The following STIM1 variants were observed in gnomAD, a reference collection of about 807,000 sequenced individuals.
STIM1 encodes stromal interaction molecule 1.
In STIM1, 25 loss-of-function variants were observed where a neutral mutation model predicts 74.7. That is an observed-to-expected ratio of 0.33 (90% confidence interval 0.24 to 0.47). The LOEUF is 0.47. Among genes scored for constraint, STIM1 ranks in the 20% least tolerant of loss-of-function variants. The pLI, the probability that STIM1 is intolerant of heterozygous loss-of-function variation, is 1.00. For missense variants in STIM1, 728 were observed against 920.8 expected, an observed-to-expected ratio of 0.79 and a Z score of 2.71; for synonymous variants, 328 against 348.8, an observed-to-expected ratio of 0.94 and a Z score of 0.66.
chr11:4,052,988 C>T lies in STIM1; in HGVS notation c.386-2538C>T, dbSNP rs547017976. On this transcript the variant is annotated intron_variant, in intron 3 of 12. Transcript: ENST00000526596. ...AACAGACACATGGAAAAATGCTCAT[C>T]GTCACTGGCCATCAGAGAAATGCAA... Among the ~76,000 whole-genome samples the T allele has an allele frequency of 9.2e-5, 14 of 152,346 alleles. No homozygotes were observed. The East Asian group carries it at 1.2e-3, about 13-fold the overall frequency.
intron 1 of STIM1, among the ~76,000 whole-genome samples, chr11:3,862,149 A>G (rs2090637921): frequency 6.6e-6 from 1 of 152,206 alleles, no homozygotes; most frequent in Non-Finnish European, 1.5e-5. Context: ...ACAAAGTATA[A>G]ATAATAATAA....
intron 1 of STIM1, among the ~76,000 whole-genome samples, chr11:3,943,381 G>T (rs573429934): frequency 1.3e-5 from 2 of 152,272 alleles, no homozygotes; most frequent in Admixed American, 1.3e-4. Context: ...TAGAGAAACT[G>T]GGTTGAAGTC....
Position 4,083,357 on chromosome 11 carries a change from C to G in STIM1, c.1333C>G (p.Pro445Ala). ...ILCGFQIVNN[P>A]GIHSLVAALN... ...CTGTGGCTTCCAGATTGTCAACAACCCTGGCATCCACTCACTGGTGGCTGC... is the reference window on the plus strand; with the variant it reads ...CTGTGGCTTCCAGATTGTCAACAACGCTGGCATCCACTCACTGGTGGCTGC... Residue 445 changes from proline (P) to alanine (A), a missense_variant, in exon 10 of 13, where the codon CCT becomes GCT. Coordinates refer to ENST00000526596, the MANE Select transcript of STIM1 (RefSeq NM_001382567.1). The G allele has an allele frequency of 6.2e-7, 1 of 1,614,242 alleles. No individual in the cohort carries two copies. The highest frequency in any genetic ancestry group is 1.1e-5 in the South Asian group (1 of 91,088).
intron 12 of STIM1, among the ~76,000 whole-genome samples, chr11:4,089,238 A>AT (rs1226651248): frequency 1.3e-5 from 2 of 152,184 alleles, no homozygotes; most frequent in Non-Finnish European, 2.9e-5. Context: ...AAATAAATAA[A>AT]AAGATGGATA....
intron 2 of STIM1, among the ~76,000 whole-genome samples, chr11:3,997,737 A>G (rs904561178): frequency 2.6e-5 from 4 of 152,208 alleles, no homozygotes; most frequent in Non-Finnish European, 5.9e-5. Context: ...ATTCATTATC[A>G]TTGGGAATGA....
chr11:3,887,358 A>G (rs1253129818), intron 1 of STIM1, among the ~76,000 whole-genome samples: 1 of 152,230 alleles, frequency 6.6e-6, no homozygotes, highest in Non-Finnish European at 1.5e-5. Context: ...AACTGGAAAC[A>G]TGGGCATTAT....
At chr11:3,890,366 A>C (rs562973854) in intron 1 of STIM1, among the ~76,000 whole-genome samples, 156 of 152,268 alleles carry the variant, frequency 1.0e-3, no homozygotes, top group African/African-American at 3.4e-3. Context: ...TAAGTTTGTC[A>C]CAGAGATTGC....
chr11:4,086,788 C>T lies in STIM1; in HGVS notation c.1634+245C>T, dbSNP rs1444162297. The T allele has an allele frequency of 3.9e-6, 6 of 1,536,752 alleles. No homozygotes were observed. Among genetic ancestry groups the T allele is most frequent in the Non-Finnish European group, 5.2e-6 (6 of 1,146,790 alleles). On this transcript the variant is annotated intron_variant, in intron 12 of 12. Coordinates refer to ENST00000526596, the MANE Select transcript of STIM1 (RefSeq NM_001382567.1). ...CCACCACAGCACTTCCTATTTCCTCCAGATGGAGCCCTACCCTGACACACC... is the reference window on the plus strand; with the variant it reads ...CCACCACAGCACTTCCTATTTCCTCTAGATGGAGCCCTACCCTGACACACC...
intron 2 of STIM1, among the ~76,000 whole-genome samples, chr11:3,998,297 A>G (rs971155304): frequency 6.6e-6 from 1 of 152,238 alleles, no homozygotes; most frequent in Non-Finnish European, 1.5e-5. Flanking sequence ...CCAGGTCTAG[A>G]ATCAAACTCT....
chr11:3,950,251 A>G (rs1362776053), intron 1 of STIM1, among the ~76,000 whole-genome samples: 1 of 151,306 alleles, frequency 6.6e-6, no homozygotes, highest in Non-Finnish European at 1.5e-5. Context: ...CTCCTGCCTC[A>G]GCCTCCTGAG....
intron 2 of STIM1, among the ~76,000 whole-genome samples, chr11:3,992,081 GTTTTTTTGTTTTT>G (rs1211377698): frequency 8.7e-4 from 80 of 91,992 alleles, no homozygotes; most frequent in Admixed American, 1.7e-3. Context: ...GCCAACATCT[GTTTTTTTGTTTTT>G]TTTTTTTTTT....
At chr11:3,988,934 A>T (rs1412882132) in intron 2 of STIM1, among the ~76,000 whole-genome samples, 1 of 152,154 alleles carries the variant, frequency 6.6e-6, no homozygotes, top group African/African-American at 2.4e-5. Flanking sequence ...AATAACCCAC[A>T]CTGTTTTCTG....
At chr11:3,986,894 A>G (rs1475616469) in intron 2 of STIM1, among the ~76,000 whole-genome samples, 1 of 152,200 alleles carries the variant, frequency 6.6e-6, no homozygotes, top group Non-Finnish European at 1.5e-5. Flanking sequence ...ATTTTTTGTC[A>G]GTACCCAACA....
intron 2 of STIM1, among the ~76,000 whole-genome samples, chr11:4,018,188 G>A (rs935567159): frequency 1.3e-5 from 2 of 151,788 alleles, no homozygotes; most frequent in Non-Finnish European, 2.9e-5. Flanking sequence ...GGTGGCTCAC[G>A]CCTGTAATCC....
At chr11:4,023,538 C>T (rs1450234047) in intron 2 of STIM1, among the ~76,000 whole-genome samples, 1 of 152,170 alleles carries the variant, frequency 6.6e-6, no homozygotes, top group Non-Finnish European at 1.5e-5. Flanking sequence ...TAAGCAAGTA[C>T]TCAAACATTT....
At chr11:3,907,523 G>GTTAC (rs1216482604) in intron 1 of STIM1, among the ~76,000 whole-genome samples, 40 of 152,220 alleles carry the variant, frequency 2.6e-4, no homozygotes, top group African/African-American at 8.9e-4. Flanking sequence ...CCTGATCCAC[G>GTTAC]TTACCATCGT....
intron 2 of STIM1, among the ~76,000 whole-genome samples, chr11:4,003,418 G>A (rs868724250): frequency 0.024 from 3,536 of 149,582 alleles, 84 homozygotes; most frequent in African/African-American, 0.079. Context: ...TCCCTGGGAT[G>A]CAAGGCTGGT....
At chr11:4,030,394 A>G (rs1409882460) in intron 3 of STIM1, among the ~76,000 whole-genome samples, 2 of 152,070 alleles carry the variant, frequency 1.3e-5, no homozygotes, top group African/African-American at 4.8e-5. Context: ...CTGTTGACAC[A>G]ACACAGGGAG....
intron 3 of STIM1, among the ~76,000 whole-genome samples, chr11:4,046,017 A>G (rs1049698859): frequency 1.7e-4 from 23 of 132,950 alleles, no homozygotes; most frequent in African/African-American, 3.4e-4. Flanking sequence ...TGATCCACCC[A>G]CCTCGGCCTC....
Sources: allele counts gnomAD v4.1 joint callset (sites outside exome capture counted in the v4.1 genomes callset), GRCh38; gene constraint gnomAD v4.1.1; transcripts MANE v1.5; gene names NCBI Gene and HGNC (gene_info 2026-07-23, HGNC 2026-07-21).